Variants in TNS3 observed in about 807,000 individuals in gnomAD.
The protein encoded by TNS3 is tensin-3.
A neutral mutation model predicts 140.9 loss-of-function variants in TNS3; 45 were observed. The ratio of observed to expected loss-of-function variants is 0.32; its 90% CI spans 0.25 to 0.41. The LOEUF (loss-of-function observed/expected upper bound fraction) is 0.41. TNS3 is among the 10% of genes least tolerant of loss of function. TNS3 has a pLI of 1.00. For synonymous variants in TNS3, 815 were observed against 788.4 expected (o/e 1.03, Z -0.56); for missense variants, 1,716 against 1,906.7 (o/e 0.90, Z 1.86).
chr7:47,488,943 C>A (rs1475653553), intron 3 of TNS3, among the ~76,000 whole-genome samples: 1 of 152,192 alleles, frequency 6.6e-6, no homozygotes, highest in Non-Finnish European at 1.5e-5. Context: ...CAAACAACAG[C>A]AGATCTATAC....
chr7:47,465,635 A>G (rs963673389), intron 4 of TNS3, among the ~76,000 whole-genome samples: 1 of 152,172 alleles, frequency 6.6e-6, no homozygotes, highest in African/African-American at 2.4e-5. Context: ...ACATATCTTT[A>G]AAAGTCAAGC....
intron 4 of TNS3, chr7:47,452,987 C>T: frequency 1.0e-6 from 1 of 985,564 alleles, no homozygotes; most frequent in Non-Finnish European, 1.2e-6. Context: ...CTTCCAGAAA[C>T]AGCTCCTCCT....
rs1243394459 is a variant in TNS3, at chr7:47,407,320, C to T, written c.723+4407G>A. 6.6e-6 allele frequency among the ~76,000 whole-genome samples: 1 copy of T among 152,194 alleles called. No homozygotes were observed. Among genetic ancestry groups the T allele is most frequent in the African/African-American group, 2.4e-5 (1 of 41,462 alleles). ...CTCCCACCTAACCTTTAGCTCTTGCCGCCGCGCACCTTCTGCCATGCTCAG... is the reference window on the plus strand; with the variant it reads ...CTCCCACCTAACCTTTAGCTCTTGCTGCCGCGCACCTTCTGCCATGCTCAG... On this transcript the variant is annotated intron_variant, in intron 13 of 30. Coordinates refer to ENST00000311160, the MANE Select transcript of TNS3 (RefSeq NM_022748.12). This position sits in a 1 kb window ranked among gnomAD's most constrained non-coding sequence, Gnocchi z 4.1.
At chr7:47,522,160 C>T (rs1799004829) in intron 2 of TNS3, among the ~76,000 whole-genome samples, 1 of 152,202 alleles carries the variant, frequency 6.6e-6, no homozygotes, top group Non-Finnish European at 1.5e-5. Flanking sequence ...ACCATATCCC[C>T]CGCCTTCTCA....
At chr7:47,483,375 G>A (rs1367686755) in intron 3 of TNS3, among the ~76,000 whole-genome samples, 1 of 151,968 alleles carries the variant, frequency 6.6e-6, no homozygotes. Context: ...TTCACTGTGT[G>A]AGCCAGGATA....
At chr7:47,448,112 C>G (rs1334370804) in intron 4 of TNS3, among the ~76,000 whole-genome samples, 1 of 152,242 alleles carries the variant, frequency 6.6e-6, no homozygotes, top group Non-Finnish European at 1.5e-5. Flanking sequence ...ATTTCCAGAG[C>G]AGCCATCCCT....
intron 13 of TNS3, among the ~76,000 whole-genome samples, chr7:47,408,068 G>T (rs533008069): frequency 6.6e-6 from 1 of 152,270 alleles, no homozygotes. Context: ...GAGTCTGAAT[G>T]CCAAGCAGGT....
intron 4 of TNS3, among the ~76,000 whole-genome samples, chr7:47,449,991 C>A (rs1028011668): frequency 6.6e-6 from 1 of 152,216 alleles, no homozygotes; most frequent in African/African-American, 2.4e-5. Flanking sequence ...CCCTCCCATG[C>A]GGATCCAGCA....
Position 47,346,268 on chromosome 7 carries a change from G to A in TNS3, c.2370C>T (p.Phe790=). 1 of 1,614,230 alleles carries A rather than the reference G, an allele frequency of 6.2e-7. No homozygotes were observed. Among genetic ancestry groups the A allele is most frequent in the Non-Finnish European group, 8.5e-7 (1 of 1,180,046 alleles). ...YDNDAGGQLP[F]SKCAWGKAGV... ...CAGCCTTTCCCCATGCACATTTGGA[G>A]AAGGGCAGCTGCCCCCCAGCATCGT... is the stretch of plus-strand genomic sequence containing the variant. Residue 790 remains phenylalanine, a synonymous_variant, in exon 18 of 31, where the codon TTC becomes TTT. Coordinates refer to ENST00000311160, the MANE Select transcript of TNS3 (RefSeq NM_022748.12).
intron 10 of TNS3, among the ~76,000 whole-genome samples, chr7:47,417,738 T>C (rs1287734163): frequency 6.6e-6 from 1 of 151,500 alleles, no homozygotes; most frequent in Non-Finnish European, 1.5e-5. Flanking sequence ...GCTTTCTTAA[T>C]AAGGTAAGAT....
At chr7:47,359,792 C>T (rs760452674) in intron 17 of TNS3, among the ~76,000 whole-genome samples, 4 of 152,142 alleles carry the variant, frequency 2.6e-5, no homozygotes, top group Admixed American at 6.5e-5. Context: ...GTAAAGATGG[C>T]GCTAGAAGGT....
At chr7:47,491,203 G>A (rs1797802320) in intron 3 of TNS3, among the ~76,000 whole-genome samples, 1 of 152,218 alleles carries the variant, frequency 6.6e-6, no homozygotes, top group South Asian at 2.1e-4. Flanking sequence ...GGCTGAACAT[G>A]CACGGTATGT....
chr7:47,525,587 C>T (rs1180953527), intron 2 of TNS3, among the ~76,000 whole-genome samples: 20 of 152,232 alleles, frequency 1.3e-4, no homozygotes, highest in Non-Finnish European at 2.9e-4. Flanking sequence ...CGTCATAGAG[C>T]AGCTGAACTC....
At chr7:47,280,466 T>C in intron 28 of TNS3, 112 bp from the exon 29 acceptor site, 1 of 981,570 alleles carries the variant, frequency 1.0e-6, no homozygotes, top group East Asian at 2.4e-5. Context: ...CAGAAAACAT[T>C]TCATACTTTT....
At chr7:47,377,327 C>G (rs796690388) in intron 16 of TNS3, among the ~76,000 whole-genome samples, 1 of 152,190 alleles carries the variant, frequency 6.6e-6, no homozygotes, top group South Asian at 2.1e-4. Context: ...GTCTCAAGGA[C>G]TATGCCGAGT....
intron 1 of TNS3, among the ~76,000 whole-genome samples, chr7:47,530,537 T>G (rs1799353656): frequency 6.6e-6 from 1 of 151,548 alleles, no homozygotes; most frequent in African/African-American, 2.4e-5. Context: ...CTCAAGAAAT[T>G]TCTTGGCCAG....
intron 16 of TNS3, among the ~76,000 whole-genome samples, chr7:47,376,755 A>ACACACACACACACAC (rs10522516): frequency 6.6e-6 from 1 of 151,518 alleles, no homozygotes; most frequent in Non-Finnish European, 1.5e-5. Context: ...ACACACACAC[A>ACACACACACACACAC]AACTCATATA....
In TNS3 at chr7:47,400,466, A is replaced by C. The variant is rs1242680764; in HGVS notation, c.854-8T>G. 6 of 1,613,836 alleles carry C rather than the reference A, an allele frequency of 3.7e-6. No individual in the cohort carries two copies. In the South Asian group the frequency reaches 5.5e-5, roughly 15 times the overall value. ...AGTCAGGAAAACGGTCATCTGAAAA[A>C]AACAATGTATTTTAACACATTTGTG... On this transcript the variant is annotated splice_polypyrimidine_tract_variant and splice_region_variant and intron_variant, in intron 14 of 30. Coordinates refer to ENST00000311160, the MANE Select transcript of TNS3 (RefSeq NM_022748.12).
chr7:47,300,214 C>T (rs571516970), intron 23 of TNS3, among the ~76,000 whole-genome samples: 3 of 152,214 alleles, frequency 2.0e-5, no homozygotes, highest in South Asian at 2.1e-4. Flanking sequence ...GGCAGCCTTC[C>T]GCTGTTTGGA....
Sources: gnomAD v4.1 joint callset for allele counts (sites outside exome capture counted in the v4.1 genomes callset) on GRCh38, gnomAD v4.1.1 for gene constraint, Gnocchi (gnomAD v3.1) non-coding constraint, MANE v1.5 for transcripts, NCBI Gene and HGNC (gene_info 2026-07-23, HGNC 2026-07-21) for gene names.